The following DPP10 variants were observed in gnomAD, a reference collection of about 807,000 sequenced individuals.
DPP10 encodes inactive dipeptidyl peptidase 10.
Under a neutral mutation model 120.9 loss-of-function variants are expected in DPP10, and 33 were observed. The ratio of observed to expected loss-of-function variants is 0.27; its 90% CI spans 0.21 to 0.37. The LOEUF (loss-of-function observed/expected upper bound fraction) is 0.37. Ranked by LOEUF, DPP10 falls within the 10% of genes least tolerant of loss-of-function variation. The pLI is 1.00. For missense variants in DPP10, 816 were observed against 942.8 expected, an observed-to-expected ratio of 0.87 and a Z score of 1.76; for synonymous variants, 337 against 326.1, an observed-to-expected ratio of 1.03 and a Z score of -0.36.
chr2:115,549,477 A>G (rs2079739739), intron 5 of DPP10, among the ~76,000 whole-genome samples: 1 of 151,848 alleles, frequency 6.6e-6, no homozygotes, highest in Non-Finnish European at 1.5e-5. Flanking sequence ...TTCTTTCCCT[A>G]TTCTCTCATT....
intron 3 of DPP10, among the ~76,000 whole-genome samples, chr2:115,473,212 C>T (rs1490403981): frequency 1.3e-5 from 2 of 152,106 alleles, no homozygotes; most frequent in Non-Finnish European, 2.9e-5. Flanking sequence ...ATGCCTCATA[C>T]ATAGTAGATG....
intron 1 of DPP10, among the ~76,000 whole-genome samples, chr2:114,786,233 A>G (rs1024707330): frequency 3.3e-5 from 5 of 152,236 alleles, no homozygotes; most frequent in African/African-American, 1.2e-4. Context: ...TTTTTGTTCT[A>G]GAAACATTAG....
intron 1 of DPP10, among the ~76,000 whole-genome samples, chr2:114,701,935 G>A (rs538174686): frequency 3.2e-4 from 49 of 152,242 alleles, no homozygotes; most frequent in Admixed American, 5.9e-4. Context: ...GATACCTCTG[G>A]ATAGAAGGTG....
intron 3 of DPP10, among the ~76,000 whole-genome samples, chr2:115,412,954 T>C (rs1175414906): frequency 6.6e-6 from 1 of 152,212 alleles, no homozygotes. Context: ...TATTTGTGTT[T>C]ATATATTTGT....
chr2:115,608,315 G>T (rs2083847416), intron 5 of DPP10, among the ~76,000 whole-genome samples: 1 of 152,042 alleles, frequency 6.6e-6, no homozygotes, highest in African/African-American at 2.4e-5. Flanking sequence ...GCTTGTATCT[G>T]GGAAGCAGAA....
intron 3 of DPP10, among the ~76,000 whole-genome samples, chr2:115,381,671 C>T (rs184540031): frequency 1.2e-3 from 190 of 152,250 alleles, no homozygotes; most frequent in African/African-American, 4.5e-3. Context: ...GGTTTTTCCC[C>T]ATCTTTGTGG....
chr2:114,923,471 C>CT (rs1695355457), intron 1 of DPP10, among the ~76,000 whole-genome samples: 2 of 84,614 alleles, frequency 2.4e-5, no homozygotes, highest in African/African-American at 1.0e-4. Flanking sequence ...GGCCTTTTTT[C>CT]CTTTTTTTTT....
At position 114,993,665 on chromosome 2, in the gene DPP10, T is replaced by A. The variant is rs140402011; in HGVS notation, c.61-315574T>A. ...TTTTACATAAAACCCAATTTTACCC[T>A]ATGCATAAAATTTACAGAGCGTGCA... On this transcript the variant is annotated intron_variant, in intron 1 of 25. Transcript: ENST00000410059. 9.8e-4 allele frequency among the ~76,000 whole-genome samples: 147 copies of A among 149,318 alleles called. 1 individual carries two copies. Among genetic ancestry groups the A allele is most frequent in the Middle Eastern group, 3.5e-3 (1 of 284 alleles).
chr2:115,356,573 A>C lies in DPP10; in HGVS notation c.271+12661A>C, dbSNP rs934642883. ...TTTCTCTTGCCTGATTGCCCTGGCC[A>C]GTACTTCCAATACTATCTTGAATAG... On this transcript the variant is annotated intron_variant, in intron 3 of 25. Transcript: ENST00000410059. 4.6e-5 allele frequency among the ~76,000 whole-genome samples: 7 copies of C among 152,228 alleles called. No homozygotes were observed. The East Asian group carries it at 1.4e-3, about 29-fold the overall frequency.
chr2:115,688,523 T>C (rs532291574), intron 5 of DPP10, among the ~76,000 whole-genome samples: 1 of 152,272 alleles, frequency 6.6e-6, no homozygotes, highest in South Asian at 2.1e-4. Context: ...ATCAATAAAA[T>C]TTCTGTAAAT....
intron 3 of DPP10, among the ~76,000 whole-genome samples, chr2:115,387,221 G>C (rs1002603118): frequency 7.2e-5 from 11 of 152,234 alleles, no homozygotes; most frequent in African/African-American, 2.6e-4. Flanking sequence ...TCTAGCAATA[G>C]AAGGCTCCAA....
chr2:115,355,743 G>A lies in DPP10; in HGVS notation c.271+11831G>A, dbSNP rs148269356. Among the ~76,000 whole-genome samples the A allele has an allele frequency of 7.1e-4, 108 of 152,268 alleles. 1 individual carries two copies. The highest frequency in any genetic ancestry group is 2.4e-3 in the African/African-American group (101 of 41,564). ...GAGTTAATTTTTGTTTAAGGTGTGA[G>A]GAAGGTGCCCAGTTTCAGCTTTCTG... On this transcript the variant is annotated intron_variant, in intron 3 of 25. Coordinates refer to ENST00000410059, the MANE Select transcript of DPP10 (RefSeq NM_020868.6).
chr2:115,600,285 G>GT (rs1173222200), intron 5 of DPP10, among the ~76,000 whole-genome samples: 2 of 151,970 alleles, frequency 1.3e-5, no homozygotes, highest in South Asian at 2.1e-4. Context: ...TGTAAGGATT[G>GT]TTTTTTTAAG....
At chr2:114,976,150 G>A (rs1007638665) in intron 1 of DPP10, among the ~76,000 whole-genome samples, 2 of 152,084 alleles carry the variant, frequency 1.3e-5, no homozygotes, top group African/African-American at 2.4e-5. Flanking sequence ...TTAAAATGTT[G>A]TAATCAATTT....
intron 10 of DPP10, 27 bp from the exon 11 acceptor site, chr2:115,753,147 T>C (rs1417612505): frequency 6.2e-7 from 1 of 1,602,784 alleles, no homozygotes; most frequent in Admixed American, 1.7e-5. Context: ...GCTCTAAACA[T>C]ACATTTTAAT....
intron 1 of DPP10, among the ~76,000 whole-genome samples, chr2:114,937,085 GC>G (rs1217852343): frequency 1.3e-5 from 2 of 152,120 alleles, no homozygotes; most frequent in Non-Finnish European, 2.9e-5. Context: ...CTGTGCAGAA[GC>G]TTTTTAGTTT....
chr2:114,884,377 G>A (rs904827723), intron 1 of DPP10, among the ~76,000 whole-genome samples: 49 of 152,114 alleles, frequency 3.2e-4, no homozygotes, highest in Admixed American at 2.6e-4. Flanking sequence ...GTGTATTGGC[G>A]GGTTTGCATT....
intron 1 of DPP10, among the ~76,000 whole-genome samples, chr2:114,934,403 A>C (rs1167133375): frequency 6.6e-6 from 1 of 152,184 alleles, no homozygotes; most frequent in African/African-American, 2.4e-5. Flanking sequence ...AATATTACTA[A>C]GAAAATTATA....
At chr2:115,517,347 A>G (rs888032519) in intron 4 of DPP10, among the ~76,000 whole-genome samples, 1 of 152,162 alleles carries the variant, frequency 6.6e-6, no homozygotes, top group African/African-American at 2.4e-5. Flanking sequence ...TAAATTATTT[A>G]TATCCTTGGG....
Sources: allele counts gnomAD v4.1 joint callset (sites outside exome capture counted in the v4.1 genomes callset), GRCh38; gene constraint gnomAD v4.1.1; transcripts MANE v1.5; gene names NCBI Gene and HGNC (gene_info 2026-07-23, HGNC 2026-07-21).